Variants in PDS5A observed in about 807,000 individuals in gnomAD.
The protein encoded by PDS5A is sister chromatid cohesion protein PDS5 homolog A.
In PDS5A, 42 loss-of-function variants were observed where a neutral mutation model predicts 167.1. The observed-to-expected ratio is 0.25, with a 90% CI of 0.20 to 0.33. The LOEUF (loss-of-function observed/expected upper bound fraction) is 0.33, where lower values mean the gene tolerates loss of function less well. Among genes scored for constraint, PDS5A ranks in the 10% least tolerant of loss-of-function variants. The pLI, the probability that PDS5A is intolerant of heterozygous loss-of-function variation, is 1.00. For missense variants in PDS5A, 1,033 were observed against 1,605.9 expected (o/e 0.64, Z 6.10); for synonymous variants, 553 against 554.6 (o/e 1.00, Z 0.04).
intron 32 of PDS5A, chr4:39,837,537 C>A: frequency 4.5e-6 from 1 of 222,414 alleles, no homozygotes; most frequent in East Asian, 1.0e-4. Context: ...AAAGGTAGCC[C>A]TTATTTTATG....
intron 2 of PDS5A, among the ~76,000 whole-genome samples, chr4:39,954,520 CATG>C (rs2109793397): frequency 1.3e-5 from 2 of 151,986 alleles, no homozygotes; most frequent in East Asian, 3.9e-4. Context: ...GGGGTTTCAC[CATG>C]ATGGCCAGGC....
intron 2 of PDS5A, 120 bp from the exon 3 acceptor site, chr4:39,928,284 A>T (rs1725646729): frequency 2.9e-6 from 1 of 348,330 alleles, no homozygotes; most frequent in South Asian, 3.4e-5. Flanking sequence ...CAGACAGTTC[A>T]CAGTCAACTT....
chr4:39,897,448 G>C (rs1722510268), intron 16 of PDS5A, among the ~76,000 whole-genome samples: 1 of 152,060 alleles, frequency 6.6e-6, no homozygotes, highest in Non-Finnish European at 1.5e-5. Context: ...ACTCAGGCTG[G>C]TGTGCAGTGG....
At chr4:39,967,246 A>G (rs1730062456) in intron 2 of PDS5A, among the ~76,000 whole-genome samples, 2 of 152,158 alleles carry the variant, frequency 1.3e-5, no homozygotes, top group South Asian at 4.1e-4. Flanking sequence ...CAGAGGTTGC[A>G]GTGAGCCAAG....
intron 32 of PDS5A, among the ~76,000 whole-genome samples, chr4:39,829,402 G>C (rs1415858969): frequency 6.6e-6 from 1 of 152,172 alleles, no homozygotes; most frequent in Admixed American, 6.5e-5. Context: ...TGTAATCCCA[G>C]CACTTTGGGA....
intron 29 of PDS5A, among the ~76,000 whole-genome samples, chr4:39,845,492 T>C (rs373061607): frequency 3.3e-5 from 5 of 152,318 alleles, no homozygotes; most frequent in African/African-American, 1.2e-4. Flanking sequence ...AGAACATGAA[T>C]TGTCTAATTC....
At chr4:39,941,284 T>G (rs1441776225) in intron 2 of PDS5A, among the ~76,000 whole-genome samples, 1 of 152,198 alleles carries the variant, frequency 6.6e-6, no homozygotes, top group Non-Finnish European at 1.5e-5. Flanking sequence ...TTAATGAAAC[T>G]ATTATCCCAG....
At chr4:39,917,999 G>C (rs1724554401) in intron 7 of PDS5A, among the ~76,000 whole-genome samples, 1 of 152,042 alleles carries the variant, frequency 6.6e-6, no homozygotes, top group African/African-American at 2.4e-5. Context: ...GCAACACAGT[G>C]AGACCCTTGC....
chr4:39,835,843 TTTAG>T, intron 32 of PDS5A, among the ~76,000 whole-genome samples: 1 of 152,156 alleles, frequency 6.6e-6, no homozygotes. Flanking sequence ...ATCTGTACAT[TTTAG>T]TTAGATGGTA....
At position 39,855,003 on chromosome 4, in the gene PDS5A, C is replaced by T. The variant is rs144455684; in HGVS notation, c.3087-5351G>A. 9.0e-4 allele frequency among the ~76,000 whole-genome samples: 137 copies of T among 152,094 alleles called. 1 individual carries two copies. The East Asian group carries it at 0.02, about 22-fold the overall frequency. On this transcript the variant is annotated intron_variant, in intron 26 of 32. Transcript: ENST00000303538. The stretch of plus-strand genomic sequence containing the variant: ...AAACATTAAAGGCTATATTTAAGTA[C>T]GATTTTTCAAATTCAAATACATTAT...
At chr4:39,929,518 A>ACTCTCTCTCTCTCTCT (rs1478539709) in intron 2 of PDS5A, among the ~76,000 whole-genome samples, 2 of 22,766 alleles carry the variant, frequency 8.8e-5, no homozygotes, top group African/African-American at 4.9e-4. Flanking sequence ...TACTTAATAA[A>ACTCTCTCTCTCTCTCT]CTATATATAT....
rs1731246974 is a variant in PDS5A at position 39,977,606 on chromosome 4, G to T, written c.-190C>A. 6.3e-6 allele frequency: 1 copy of T among 157,894 alleles called. No homozygotes were observed. Among genetic ancestry groups the T allele is most frequent in the South Asian group, 1.7e-4 (1 of 5,784 alleles). The allele number at this position is 157,894 out of a possible 1,614,324, so 9.8% of individuals were successfully genotyped here. On this transcript the variant is annotated 5_prime_UTR_variant, in exon 1 of 33. Transcript: ENST00000303538. The surrounding 1 kb of genome is among the most constrained non-coding windows in gnomAD (Gnocchi z 4.2). ...CCCGCCCGCCCGGGAGCGGCGCTGG[G>T]GCTGGCGGTGCCGAGGAGGAGCAGC...
chr4:39,912,398 CCCCATA>C (rs1723972038), intron 9 of PDS5A, among the ~76,000 whole-genome samples: 1 of 152,134 alleles, frequency 6.6e-6, no homozygotes, highest in Non-Finnish European at 1.5e-5. Context: ...GGAATTCCTC[CCCCATA>C]ACTTTGAAAG....
intron 17 of PDS5A, among the ~76,000 whole-genome samples, chr4:39,880,957 C>T (rs1486499613): frequency 6.6e-6 from 1 of 152,074 alleles, no homozygotes; most frequent in Non-Finnish European, 1.5e-5. Context: ...TCCCTTCCCA[C>T]TACCTTTTCC....
rs187287727 is a variant in PDS5A at position 39,938,509 on chromosome 4, G to A, written c.139-10345C>T. On this transcript the variant is annotated intron_variant, in intron 2 of 32. Transcript: ENST00000303538. ...GCGGAGGTTGTAGTGAGCCAAGATCGTGCCACTGCACTCCAGCCGGGGTGA... is the reference window on the plus strand; with the variant it reads ...GCGGAGGTTGTAGTGAGCCAAGATCATGCCACTGCACTCCAGCCGGGGTGA... 1.8e-4 allele frequency among the ~76,000 whole-genome samples: 28 copies of A among 152,032 alleles called. No individual in the cohort carries two copies. In the Middle Eastern group the frequency reaches 0.01, roughly 56 times the overall value.
intron 32 of PDS5A, among the ~76,000 whole-genome samples, chr4:39,827,446 T>C (rs1715428616): frequency 6.6e-6 from 1 of 152,228 alleles, no homozygotes; most frequent in Admixed American, 6.5e-5. Context: ...TGTACCAAGA[T>C]GAACTGCCAT....
intron 26 of PDS5A, among the ~76,000 whole-genome samples, chr4:39,850,262 A>ACT (rs3070810): frequency 0.18 from 25,676 of 142,444 alleles, 3,008 homozygotes; most frequent in Admixed American, 0.26. Context: ...ACAGAGCGAG[A>ACT]CTCTCTCTCA....
chr4:39,853,031 AGCAGGGACTGAGTAGCTGGGACT>A (rs562775537), intron 26 of PDS5A, among the ~76,000 whole-genome samples: 2,265 of 152,268 alleles, frequency 0.015, 30 homozygotes, highest in East Asian at 0.056. Context: ...CTCCTGCCTC[AGCAGGGACTGAGTAGCTGGGACT>A]GCAGGGACTG....
At chr4:39,891,693 C>A (rs1174641240) in intron 16 of PDS5A, among the ~76,000 whole-genome samples, 1 of 152,082 alleles carries the variant, frequency 6.6e-6, no homozygotes, top group African/African-American at 2.4e-5. Flanking sequence ...TATATACTTG[C>A]AAAATTTTTC....
Sources: allele counts gnomAD v4.1 joint callset (sites outside exome capture counted in the v4.1 genomes callset), GRCh38; gene constraint gnomAD v4.1.1; non-coding constraint Gnocchi (gnomAD v3.1); transcripts MANE v1.5; gene names NCBI Gene and HGNC (gene_info 2026-07-23, HGNC 2026-07-21).